UVSSA: variants seen among roughly 807,000 people sequenced by gnomAD.
The protein encoded by UVSSA is UV stimulated scaffold protein A, also known as UV-stimulated scaffold protein A.
In UVSSA, 72 loss-of-function variants were observed where a neutral mutation model predicts 73.9. The observed-to-expected ratio is 0.97, with a 90% CI of 0.81 to 1.19. The LOEUF is 1.19. UVSSA is among the 50% of genes most tolerant of loss of function. The probability of loss-of-function intolerance (pLI) is 0.00; values close to 1 mark genes in which losing one functional copy is unlikely to be tolerated. For synonymous variants in UVSSA, 454 were observed against 391.3 expected (o/e 1.16, Z -1.89); for missense variants, 1,150 against 965.0 (o/e 1.19, Z -2.54).
chr4:1,342,023 T>G (rs534778911), upstream of UVSSA, among the ~76,000 whole-genome samples: 1 of 152,378 alleles, frequency 6.6e-6, no homozygotes, highest in Non-Finnish European at 1.5e-5. Flanking sequence ...ACATCTGGGT[T>G]GTTCCCTATT....
chr4:1,382,721 G>A (rs1016516578), intron 12 of UVSSA, among the ~76,000 whole-genome samples: 2 of 152,282 alleles, frequency 1.3e-5, no homozygotes, highest in African/African-American at 2.4e-5. Flanking sequence ...TGTGGGCCCC[G>A]TATTCCTTCA....
chr4:1,360,630 C>G (rs577209213), intron 7 of UVSSA, among the ~76,000 whole-genome samples: 1 of 152,206 alleles, frequency 6.6e-6, no homozygotes, highest in Non-Finnish European at 1.5e-5. Flanking sequence ...GCTGCACTCT[C>G]CTTCCCTGAG....
At chr4:1,350,292 C>G (rs1263419782) in intron 3 of UVSSA, among the ~76,000 whole-genome samples, 1 of 152,154 alleles carries the variant, frequency 6.6e-6, no homozygotes, top group Non-Finnish European at 1.5e-5. Flanking sequence ...TGAAACCCAC[C>G]AGGATCTGCC....
upstream of UVSSA, among the ~76,000 whole-genome samples, chr4:1,345,643 T>TC (rs1713606016): frequency 4.4e-5 from 1 of 22,966 alleles, no homozygotes; most frequent in Non-Finnish European, 7.3e-5. Context: ...AGACTTTGTC[T>TC]CAAAAAAAAA....
In UVSSA at chr4:1,354,766, C is replaced by T; in HGVS notation, c.966C>T (p.Asn322=). 2 of 1,613,664 alleles carry T rather than the reference C, an allele frequency of 1.2e-6. No individual in the cohort carries two copies. Among genetic ancestry groups the T allele is most frequent in the African/African-American group, 1.3e-5 (1 of 75,024 alleles). ...EGLKVQENED[N]LALIHAARDT... ...TGAAGGTGCAGGAGAACGAGGACAA[C>T]CTTGCTCTCATCCACGCCGCCCGCG... The change falls in exon 6 of 14, where the codon AAC becomes AAT. Residue 322 remains asparagine (N), a synonymous_variant. Transcript: ENST00000389851.
At chr4:1,366,509 C>T (rs1717349749) in intron 8 of UVSSA, 78 bp downstream of exon 8, 1 of 1,098,298 alleles carries the variant, frequency 9.1e-7, no homozygotes. Flanking sequence ...GGGTCATGAC[C>T]TCAGGGGCAG....
At chr4:1,377,407 G>A (rs1465170947) in intron 10 of UVSSA, among the ~76,000 whole-genome samples, 1 of 152,184 alleles carries the variant, frequency 6.6e-6, no homozygotes, top group Non-Finnish European at 1.5e-5. Flanking sequence ...GGGCTCCACA[G>A]ACACCGCCCC....
chr4:1,345,593 C>T (rs374188038), upstream of UVSSA, among the ~76,000 whole-genome samples: 7 of 140,810 alleles, frequency 5.0e-5, no homozygotes, highest in African/African-American at 1.6e-4. Flanking sequence ...TGCAGTGAAC[C>T]GCGATCGTGC....
exon 14 of UVSSA, chr4:1,393,227 T>C (rs773341548): frequency 2.6e-5 from 4 of 152,242 alleles, no homozygotes; most frequent in Non-Finnish European, 5.9e-5. Flanking sequence ...CTCTAGTGAA[T>C]TTTTCATTTC....
chr4:1,365,321 G>C (rs1717166120), intron 7 of UVSSA, among the ~76,000 whole-genome samples: 1 of 152,242 alleles, frequency 6.6e-6, no homozygotes, highest in Non-Finnish European at 1.5e-5. Flanking sequence ...TATGGTCACA[G>C]CTGCAGCCAT....
upstream of UVSSA, among the ~76,000 whole-genome samples, chr4:1,343,038 G>A (rs1380758023): frequency 6.6e-6 from 1 of 152,112 alleles, no homozygotes; most frequent in Non-Finnish European, 1.5e-5. Flanking sequence ...AAAGTGTGCT[G>A]GGATTGTCAC....
chr4:1,363,904 C>T (rs1716974534), intron 7 of UVSSA, among the ~76,000 whole-genome samples: 1 of 152,282 alleles, frequency 6.6e-6, no homozygotes, highest in Non-Finnish European at 1.5e-5. Flanking sequence ...GTGGGATGCT[C>T]CTAAACAAAG....
chr4:1,394,355 A>G, exon 14 of UVSSA: 1 of 1,282,294 alleles, frequency 7.8e-7, no homozygotes, highest in Non-Finnish European at 1.1e-6. Flanking sequence ...CTTAAAGATT[A>G]TATTTGAAAT....
Position 1,380,078 on chromosome 4 carries a change from A to C in UVSSA, c.1600A>C (p.Ser534Arg). Reference protein sequence around the residue: ...SDSQHRFWKPSEVEEEVVNAD... With the variant: ...SDSQHRFWKPREVEEEVVNAD... ...CTCCCAGCACCGCTTCTGGAAGCCC[A>C]GCGAGGTGGAGGAGGAAGTGGTCAA... The change falls in exon 11 of 14, where the codon AGC becomes CGC. Residue 534 changes from serine to arginine, a missense_variant. Ser to Arg is a moderately radical substitution (Grantham distance 110). Coordinates refer to ENST00000389851, the MANE Select transcript of UVSSA (RefSeq NM_020894.4). 6.2e-7 allele frequency: 1 copy of C among 1,611,228 alleles called. No homozygotes were observed. Among genetic ancestry groups the C allele is most frequent in the East Asian group, 2.2e-5 (1 of 44,816 alleles).
At chr4:1,348,047 A>G (rs779890935) in intron 1 of UVSSA, 43 bp from the exon 2 acceptor site, 2 of 1,487,404 alleles carry the variant, frequency 1.3e-6, no homozygotes, top group East Asian at 2.3e-5. Flanking sequence ...AGAGCTATAA[A>G]ATACAGATGG....
At chr4:1,347,928 C>G in intron 1 of UVSSA, 162 bp from the exon 2 acceptor site, 1 of 643,810 alleles carries the variant, frequency 1.6e-6, no homozygotes, top group South Asian at 1.8e-5. Flanking sequence ...AAAGGCCTTG[C>G]TGGACACACA....
intron 2 of UVSSA, 66 bp from the exon 3 acceptor site, chr4:1,349,458 G>T: frequency 1.3e-6 from 2 of 1,512,842 alleles, no homozygotes; most frequent in Non-Finnish European, 1.8e-6. Flanking sequence ...ATCCATGCAC[G>T]GAGAGTCTCC....
At chr4:1,383,689 G>C (rs1719762124) in intron 12 of UVSSA, 77 bp from the exon 13 acceptor site, 13 of 1,577,000 alleles carry the variant, frequency 8.2e-6, no homozygotes, top group Non-Finnish European at 9.5e-6. Context: ...GAGACCAAGA[G>C]CCCCTCCTGG....
chr4:1,366,500 G>T, intron 8 of UVSSA, 69 bp downstream of exon 8: 1 of 1,215,572 alleles, frequency 8.2e-7, no homozygotes, highest in South Asian at 1.4e-5. Context: ...GGCCCCTTGG[G>T]GTCATGACCT....
Sources: gnomAD v4.1 joint callset for allele counts (sites outside exome capture counted in the v4.1 genomes callset) on GRCh38, gnomAD v4.1.1 for gene constraint, MANE v1.5 for transcripts, NCBI Gene and HGNC (gene_info 2026-07-23, HGNC 2026-07-21) for gene names.